The following SCUBE1 variants were observed in gnomAD, a reference collection of about 807,000 sequenced individuals.
SCUBE1 encodes the protein signal peptide, CUB domain and EGF like domain containing 1.
SCUBE1 carries 59 observed loss-of-function variants against 124.4 expected under a neutral mutation model. The observed-to-expected ratio is 0.47, with a 90% CI of 0.38 to 0.59. SCUBE1 has a LOEUF of 0.59. Ranked by LOEUF, SCUBE1 falls within the 20% of genes least tolerant of loss-of-function variation. The probability of loss-of-function intolerance (pLI) is 0.00; values close to 1 mark genes in which losing one functional copy is unlikely to be tolerated. For missense variants in SCUBE1, 1,150 were observed against 1,371.2 expected (o/e 0.84, Z 2.55); for synonymous variants, 545 against 550.9 (o/e 0.99, Z 0.15).
chr22:43,335,135 T>C (rs996507401), intron 2 of SCUBE1, among the ~76,000 whole-genome samples: 5 of 152,200 alleles, frequency 3.3e-5, no homozygotes, highest in Admixed American at 3.3e-4. Context: ...TTTTTCCATC[T>C]GTAAACCAAG....
intron 8 of SCUBE1, 134 bp from the exon 9 acceptor site, chr22:43,229,322 G>A (rs1177434703): frequency 8.9e-6 from 6 of 675,532 alleles, no homozygotes; most frequent in Non-Finnish European, 1.3e-5. Context: ...GCACAGCACC[G>A]ACCCACAGGA....
chr22:43,322,545 A>G (rs2146787690), intron 2 of SCUBE1, among the ~76,000 whole-genome samples: 1 of 152,216 alleles, frequency 6.6e-6, no homozygotes, highest in South Asian at 2.1e-4. Flanking sequence ...CACCCTTAAT[A>G]TCGTTACAGT....
At chr22:43,233,550 C>G (rs779213707) in intron 7 of SCUBE1, 10 of 152,182 alleles carry the variant, frequency 6.6e-5, no homozygotes, top group Non-Finnish European at 1.5e-4. Flanking sequence ...CTGCAGAGCC[C>G]GTCCTGGGCA....
At chr22:43,267,532 C>A (rs974158500) in intron 4 of SCUBE1, among the ~76,000 whole-genome samples, 1 of 152,196 alleles carries the variant, frequency 6.6e-6, no homozygotes, top group African/African-American at 2.4e-5. Flanking sequence ...CTGAGAAGTC[C>A]TGCGGTCCCT....
At chr22:43,287,352 C>T (rs147387732) in intron 4 of SCUBE1, among the ~76,000 whole-genome samples, 16 of 152,300 alleles carry the variant, frequency 1.1e-4, no homozygotes, top group Non-Finnish European at 1.8e-4. Flanking sequence ...CAGTTTTCCG[C>T]GAATGGGGAA....
At chr22:43,289,115 A>G (rs1328782475) in intron 4 of SCUBE1, among the ~76,000 whole-genome samples, 1 of 152,250 alleles carries the variant, frequency 6.6e-6, no homozygotes, top group African/African-American at 2.4e-5. Context: ...GAGCACACAC[A>G]GCCTGGCTGA....
Position 43,222,750 on chromosome 22 carries a change from G to A in SCUBE1, c.1328-8C>T. 1 of 1,588,228 alleles carries A rather than the reference G, an allele frequency of 6.3e-7. No individual in the cohort carries two copies. ...CGTAGCTATTTTCCGAGTCTGCAGA[G>A]AAGCCGGTGGGTGAGGTGGGCCTGG... On this transcript the variant is annotated splice_region_variant and splice_polypyrimidine_tract_variant and intron_variant, in intron 11 of 21. Transcript: ENST00000360835.
intron 3 of SCUBE1, chr22:43,318,135 C>A (rs1222482524): frequency 6.6e-6 from 1 of 152,254 alleles, no homozygotes; most frequent in Non-Finnish European, 1.5e-5. Flanking sequence ...GTCATGGCAG[C>A]CCCAGGAAAC....
intron 3 of SCUBE1, among the ~76,000 whole-genome samples, chr22:43,318,733 A>C (rs1287782635): frequency 6.6e-6 from 1 of 151,922 alleles, no homozygotes. Context: ...TCTTGTAATT[A>C]TTTTTTTGTT....
At chr22:43,281,589 T>TCAGCCACCCTCCTGTCACCTCCCTTCA (rs1569011213) in intron 4 of SCUBE1, among the ~76,000 whole-genome samples, 3 of 122,772 alleles carry the variant, frequency 2.4e-5, no homozygotes, top group East Asian at 6.1e-4. Context: ...ACCTCCCTTC[T>TCAGCCACCCTCCTGTCACCTCCCTTCA]CAGCCACCCT....
chr22:43,238,677 C>G, intron 7 of SCUBE1, 161 bp downstream of exon 7: 1 of 714,242 alleles, frequency 1.4e-6, no homozygotes, highest in South Asian at 1.5e-5. Context: ...CTCCCTCTTC[C>G]TGGCCTCTCC....
chr22:43,257,585 G>A (rs982556229), intron 6 of SCUBE1, among the ~76,000 whole-genome samples: 13 of 152,184 alleles, frequency 8.5e-5, no homozygotes, highest in Admixed American at 7.2e-4. Flanking sequence ...GGGCAGCGGC[G>A]GGAAGAGCGG....
chr22:43,325,722 T>G (rs1926705475), intron 2 of SCUBE1, among the ~76,000 whole-genome samples: 1 of 151,952 alleles, frequency 6.6e-6, no homozygotes, highest in Non-Finnish European at 1.5e-5. Flanking sequence ...TTTTTTTTTG[T>G]TTTTAATGAA....
chr22:43,255,411 G>C lies in SCUBE1; in HGVS notation c.727+2808C>G. 7.9e-7 allele frequency: 1 copy of C among 1,267,184 alleles called. No individual in the cohort carries two copies. The highest frequency in any genetic ancestry group is 1.1e-6 in the Non-Finnish European group (1 of 889,826). 78.5% of individuals were successfully genotyped at this position (1,267,184 alleles called of 1,614,324 possible). ...CACACACGCCCATGTCCACATGCCA[G>C]TGCGCACCCGAGACACACATGTGCA... On this transcript the variant is annotated intron_variant, in intron 6 of 21. Coordinates refer to ENST00000360835, the MANE Select transcript of SCUBE1 (RefSeq NM_173050.5). The surrounding 1 kb of genome is among the most constrained non-coding windows in gnomAD (Gnocchi z 4.7).
At chr22:43,208,614 A>C (rs1196436128) in intron 19 of SCUBE1, among the ~76,000 whole-genome samples, 3 of 151,624 alleles carry the variant, frequency 2.0e-5, no homozygotes, top group African/African-American at 7.3e-5. Flanking sequence ...CCAGGGTGGG[A>C]GTGGAAGCTG....
At position 43,207,133 on chromosome 22, in the gene SCUBE1, G is replaced by T. The variant is rs1921324059; in HGVS notation, c.2814+401C>A. On this transcript the variant is annotated intron_variant, in intron 21 of 21. Coordinates refer to ENST00000360835, the MANE Select transcript of SCUBE1 (RefSeq NM_173050.5). ...TGCCTCTCCAGGCTGGAAGCAGGAA[G>T]AGGAGGGAGCCTAGTCCCAGCGGCA... is the stretch of plus-strand genomic sequence containing the variant. Among the ~76,000 whole-genome samples, 7 of 152,284 alleles carry T rather than the reference G, an allele frequency of 4.6e-5. No individual in the cohort carries two copies. The South Asian group carries it at 1.5e-3, about 32-fold the overall frequency.
chr22:43,217,996 C>T (rs1295280495), intron 15 of SCUBE1, among the ~76,000 whole-genome samples: 3 of 151,454 alleles, frequency 2.0e-5, no homozygotes, highest in Middle Eastern at 6.8e-3. Flanking sequence ...TCGCGCCCCT[C>T]GACTGTGGCC....
At chr22:43,264,429 T>C (rs554654906) in intron 4 of SCUBE1, among the ~76,000 whole-genome samples, 2 of 152,296 alleles carry the variant, frequency 1.3e-5, no homozygotes, top group East Asian at 3.9e-4. Flanking sequence ...CCTGCAGGTC[T>C]GGAGACAGCG....
chr22:43,255,487 C>T lies in SCUBE1; in HGVS notation c.727+2732G>A. 2 of 1,550,282 alleles carry T rather than the reference C, an allele frequency of 1.3e-6. No individual in the cohort carries two copies. The highest frequency in any genetic ancestry group is 1.7e-6 in the Non-Finnish European group (2 of 1,146,754). ...CAAAGGAAGTGGAAGAAAAGTGTTACCCATGAGTAGCCGCCGTTTCACCCG... is the reference window on the plus strand; with the variant it reads ...CAAAGGAAGTGGAAGAAAAGTGTTATCCATGAGTAGCCGCCGTTTCACCCG... On this transcript the variant is annotated intron_variant, in intron 6 of 21. Coordinates refer to ENST00000360835, the MANE Select transcript of SCUBE1 (RefSeq NM_173050.5). The surrounding 1 kb of genome is among the most constrained non-coding windows in gnomAD (Gnocchi z 4.7).
Sources: gnomAD v4.1 joint callset for allele counts (sites outside exome capture counted in the v4.1 genomes callset) on GRCh38, gnomAD v4.1.1 for gene constraint, Gnocchi (gnomAD v3.1) non-coding constraint, MANE v1.5 for transcripts, NCBI Gene and HGNC (gene_info 2026-07-23, HGNC 2026-07-21) for gene names.